Variants in RPS6KA6 observed in about 807,000 individuals in gnomAD.
RPS6KA6 encodes ribosomal protein S6 kinase A6.
In RPS6KA6, 27 loss-of-function variants were observed where a neutral mutation model predicts 65.4. That is an observed-to-expected ratio of 0.41 (90% CI 0.30 to 0.57). RPS6KA6 has a LOEUF of 0.57. Among genes scored for constraint, RPS6KA6 ranks in the 20% least tolerant of loss-of-function variants. The pLI is 0.24. For synonymous variants in RPS6KA6, 190 were observed against 184.2 expected, an observed-to-expected ratio of 1.03 and a Z score of -0.26; for missense variants, 486 against 555.6, an observed-to-expected ratio of 0.87 and a Z score of 1.26.
At chrX:84,182,072 C>A (rs1036443842) in intron 1 of RPS6KA6, among the ~76,000 whole-genome samples, 1 of 87,065 alleles carries the variant, frequency 1.1e-5, no homozygotes, top group Non-Finnish European at 2.3e-5. Flanking sequence ...CTCACACACA[C>A]ACACACACAC....
chrX:84,071,115 A>G (rs2033533247), intron 20 of RPS6KA6, among the ~76,000 whole-genome samples: 1 of 111,280 alleles, frequency 9.0e-6, no homozygotes, highest in African/African-American at 3.3e-5. Context: ...TGAACTGAGG[A>G]GATAGAACTG....
intron 2 of RPS6KA6, among the ~76,000 whole-genome samples, chrX:84,162,530 T>G (rs2035529984): frequency 9.0e-6 from 1 of 111,657 alleles, no homozygotes; most frequent in Non-Finnish European, 1.9e-5. Flanking sequence ...ATCATGTAAG[T>G]AACTAGCACT....
In RPS6KA6 at chrX:84,141,941, T is replaced by C. The variant is rs185691577; in HGVS notation, c.501+3537A>G. On this transcript the variant is annotated intron_variant, in intron 6 of 21. Transcript: ENST00000262752. The stretch of plus-strand genomic sequence containing the variant: ...CATAATTAAAGTAAAAAGGTGTCAA[T>C]CCTTGTCTCAAAAATTTGTAGAATA... Among the ~76,000 whole-genome samples the C allele has an allele frequency of 8.3e-3, 922 of 111,380 alleles. 5 individuals are homozygous for C. Among genetic ancestry groups the C allele is most frequent in the Non-Finnish European group, 0.014 (735 of 52,853 alleles).
At chrX:84,105,055 C>T (rs756817147) in intron 16 of RPS6KA6, among the ~76,000 whole-genome samples, 1 of 110,566 alleles carries the variant, frequency 9.0e-6, no homozygotes, top group South Asian at 3.8e-4. Context: ...TTTTTATACC[C>T]TTCCCTCAGT....
At chrX:84,090,836 A>G (rs1251605510) in intron 20 of RPS6KA6, among the ~76,000 whole-genome samples, 1 of 111,837 alleles carries the variant, frequency 8.9e-6, no homozygotes, top group African/African-American at 3.3e-5. Flanking sequence ...GGTTCTGTAT[A>G]CCTCATGTCC....
chrX:84,061,777 C>A lies in RPS6KA6; in HGVS notation c.*2500G>T, dbSNP rs187977277. The A allele has an allele frequency of 7.2e-5, 8 of 111,426 alleles. No individual in the cohort carries two copies. The East Asian group carries it at 2.0e-3, about 27-fold the overall frequency. 9.2% of individuals were successfully genotyped at this position (111,426 alleles called of 1,213,427 possible). A position where few individuals can be genotyped will look rare whatever the true frequency, so the allele number is the denominator to read the frequency against. On this transcript the variant is annotated 3_prime_UTR_variant, in exon 22 of 22. Transcript: ENST00000262752. ...CAATGCAAAATCATTATTCAAGAAC[C>A]CATTAGAAACCACAGTATTCTAAAG... is the stretch of plus-strand genomic sequence containing the variant.
In RPS6KA6 at chrX:84,061,557, G is replaced by A. The variant is rs1442479773; in HGVS notation, c.*2720C>T. The A allele has an allele frequency of 9.0e-6, 1 of 111,233 alleles. No individual in the cohort carries two copies. The allele number at this position is 111,233 out of a possible 1,213,427, so 9.2% of individuals were successfully genotyped here. A position where few individuals can be genotyped will look rare whatever the true frequency, so the allele number is the denominator to read the frequency against. On this transcript the variant is annotated 3_prime_UTR_variant, in exon 22 of 22. Transcript: ENST00000262752. ...AATCCCCATCACCAGCACTGCATTC[G>A]AATTTTCTTGAAAATTGTTTCCTGA...
At chrX:84,113,238 A>T (rs985070855) in intron 12 of RPS6KA6, among the ~76,000 whole-genome samples, 2 of 111,534 alleles carry the variant, frequency 1.8e-5, no homozygotes, top group African/African-American at 3.3e-5. Context: ...AGACATGCAA[A>T]GAAGAGCTGG....
At chrX:84,064,489 T>C (rs2033358173) in intron 21 of RPS6KA6, 87 bp from the exon 22 acceptor site, 8 of 852,580 alleles carry the variant, frequency 9.4e-6, no homozygotes, top group East Asian at 6.9e-5. Context: ...ATGAGACATA[T>C]ATCTAGAACA....
chrX:84,074,179 C>T (rs1218886485), intron 20 of RPS6KA6, among the ~76,000 whole-genome samples: 2 of 112,187 alleles, frequency 1.8e-5, no homozygotes, highest in Non-Finnish European at 3.8e-5. Flanking sequence ...CAATGGAATA[C>T]TATTGGCCAA....
At chrX:84,152,109 G>T (rs1483229187) in intron 3 of RPS6KA6, among the ~76,000 whole-genome samples, 1 of 111,219 alleles carries the variant, frequency 9.0e-6, no homozygotes, top group Non-Finnish European at 1.9e-5. Flanking sequence ...TTTTCCCCTA[G>T]TTCTTCTAAT....
intron 20 of RPS6KA6, among the ~76,000 whole-genome samples, chrX:84,093,859 T>C (rs754999371): frequency 9.0e-6 from 1 of 111,593 alleles, no homozygotes; most frequent in Non-Finnish European, 1.9e-5. Context: ...CTCCAGTTAT[T>C]TTCTGTTTGG....
At chrX:84,121,624 G>T (rs1391635755) in intron 8 of RPS6KA6, among the ~76,000 whole-genome samples, 1 of 111,502 alleles carries the variant, frequency 9.0e-6, no homozygotes, top group Admixed American at 9.5e-5. Context: ...GCTCTATATT[G>T]TCACTTAATT....
At chrX:84,086,995 C>G (rs2033936892) in intron 20 of RPS6KA6, among the ~76,000 whole-genome samples, 2 of 110,814 alleles carry the variant, frequency 1.8e-5, no homozygotes, top group South Asian at 7.7e-4. Flanking sequence ...TTTCTGTTTT[C>G]TATTTGCTTG....
intron 12 of RPS6KA6, among the ~76,000 whole-genome samples, chrX:84,115,328 A>G (rs148027447): frequency 0.018 from 1,961 of 112,019 alleles, 18 homozygotes; most frequent in Non-Finnish European, 0.024. Flanking sequence ...AAGAAGACAT[A>G]CAAGCAGCCA....
intron 1 of RPS6KA6, among the ~76,000 whole-genome samples, chrX:84,180,986 G>A (rs1429658539): frequency 8.9e-6 from 1 of 111,783 alleles, no homozygotes; most frequent in South Asian, 3.7e-4. Context: ...GATAATCTAT[G>A]ATGCATCTAG....
At chrX:84,180,719 TAGAC>T (rs967812794) in intron 1 of RPS6KA6, among the ~76,000 whole-genome samples, 3 of 112,182 alleles carry the variant, frequency 2.7e-5, no homozygotes, top group Non-Finnish European at 3.8e-5. Context: ...TTAACTTAAA[TAGAC>T]AGGCATGGCT....
intron 2 of RPS6KA6, among the ~76,000 whole-genome samples, chrX:84,156,734 T>C (rs2035422980): frequency 8.9e-6 from 1 of 111,778 alleles, no homozygotes; most frequent in Non-Finnish European, 1.9e-5. Context: ...TGAAATTTTA[T>C]ACATAAATTA....
At chrX:84,091,706 A>G (rs775742529) in intron 20 of RPS6KA6, among the ~76,000 whole-genome samples, 40 of 112,078 alleles carry the variant, frequency 3.6e-4, no homozygotes, top group Non-Finnish European at 6.2e-4. Context: ...TACCCAAAGG[A>G]ATATAAATCA....
Sources: gnomAD v4.1 joint callset for allele counts (sites outside exome capture counted in the v4.1 genomes callset) on GRCh38, gnomAD v4.1.1 for gene constraint, MANE v1.5 for transcripts, NCBI Gene and HGNC (gene_info 2026-07-23, HGNC 2026-07-21) for gene names.